CNTNAP2: variants seen among roughly 807,000 people sequenced by gnomAD.
The protein encoded by CNTNAP2 is contactin-associated protein-like 2.
Under a neutral mutation model 155.2 loss-of-function variants are expected in CNTNAP2, and 98 were observed. The observed-to-expected ratio is 0.63, with a 90% confidence interval of 0.54 to 0.75. The LOEUF (loss-of-function observed/expected upper bound fraction) is 0.75, where lower values mean the gene tolerates loss of function less well. Ranked by LOEUF, CNTNAP2 falls within the 30% of genes least tolerant of loss-of-function variation. The pLI is 0.00. For synonymous variants in CNTNAP2, 651 were observed against 631.2 expected (o/e 1.03, Z -0.47); for missense variants, 1,727 against 1,688.1 (o/e 1.02, Z -0.40).
intron 8 of CNTNAP2, among the ~76,000 whole-genome samples, chr7:147,212,972 T>G (rs2116575659): frequency 6.6e-6 from 1 of 152,230 alleles, no homozygotes; most frequent in South Asian, 2.1e-4. Flanking sequence ...TTAAATTTTG[T>G]TATCCAGTAT....
chr7:148,047,889 G>A (rs1802801878), intron 15 of CNTNAP2, among the ~76,000 whole-genome samples: 1 of 152,008 alleles, frequency 6.6e-6, no homozygotes, highest in Admixed American at 6.5e-5. Context: ...ATGGCAACTG[G>A]CATTTAGTGA....
At chr7:148,214,432 G>A (rs1014615834) in intron 18 of CNTNAP2, among the ~76,000 whole-genome samples, 2 of 152,142 alleles carry the variant, frequency 1.3e-5, no homozygotes, top group African/African-American at 2.4e-5. Context: ...ATCTTCTCAT[G>A]GGAAGTGATT....
At chr7:146,686,875 G>A (rs1361562024) in intron 1 of CNTNAP2, among the ~76,000 whole-genome samples, 2 of 152,142 alleles carry the variant, frequency 1.3e-5, no homozygotes, top group Non-Finnish European at 2.9e-5. Context: ...GTAACATAGG[G>A]ATGCATGCTG....
chr7:146,183,086 C>T (rs1201056010), intron 1 of CNTNAP2, among the ~76,000 whole-genome samples: 1 of 152,126 alleles, frequency 6.6e-6, no homozygotes, highest in Non-Finnish European at 1.5e-5. Context: ...TATTTTTGGA[C>T]ATTCCATGTT....
chr7:148,130,815 C>A (rs1262063429), intron 16 of CNTNAP2, among the ~76,000 whole-genome samples: 1 of 152,108 alleles, frequency 6.6e-6, no homozygotes, highest in Non-Finnish European at 1.5e-5. Context: ...TTTTTTTTAT[C>A]ATTTTGCATC....
At position 147,802,004 on chromosome 7, in the gene CNTNAP2, T is replaced by C. The variant is rs556319195; in HGVS notation, c.2099-101561T>C. Among the ~76,000 whole-genome samples, 225 of 142,084 alleles carry C rather than the reference T, an allele frequency of 1.6e-3. 1 individual carries two copies. Among genetic ancestry groups the C allele is most frequent in the African/African-American group, 5.9e-3 (222 of 37,374 alleles). 93.2% of individuals were successfully genotyped at this position (142,084 alleles called of 152,430 possible). A position where few individuals can be genotyped will look rare whatever the true frequency, so the allele number is the denominator to read the frequency against. The stretch of plus-strand genomic sequence containing the variant: ...CGGGGTGGCTGCCGGGCGGAGACGC[T>C]CCTCACTTCCCGGACAGGGTGGCTG... On this transcript the variant is annotated intron_variant, in intron 13 of 23. Coordinates refer to ENST00000361727, the MANE Select transcript of CNTNAP2 (RefSeq NM_014141.6).
chr7:148,406,261 C>T (rs1246096184), intron 22 of CNTNAP2, among the ~76,000 whole-genome samples: 1 of 97,548 alleles, frequency 1.0e-5, no homozygotes, highest in African/African-American at 3.4e-5. Context: ...AAGGTCATGA[C>T]GGGGCAGGGG....
intron 3 of CNTNAP2, among the ~76,000 whole-genome samples, chr7:146,986,246 T>C (rs1371292317): frequency 6.6e-6 from 1 of 152,218 alleles, no homozygotes; most frequent in Non-Finnish European, 1.5e-5. Context: ...AGAGAGAACA[T>C]ATGATGTTTG....
intron 3 of CNTNAP2, among the ~76,000 whole-genome samples, chr7:146,866,457 C>G (rs1380319656): frequency 2.0e-5 from 3 of 152,046 alleles, no homozygotes; most frequent in Non-Finnish European, 4.4e-5. Context: ...ACCACTGACA[C>G]TAAATATGAT....
Position 147,727,801 on chromosome 7 carries a change from A to G in CNTNAP2, c.2098+88495A>G, listed in dbSNP as rs767171924. Among the ~76,000 whole-genome samples the G allele has an allele frequency of 9.3e-5, 14 of 150,688 alleles. 1 individual carries two copies. The highest frequency in any genetic ancestry group is 1.8e-4 in the Non-Finnish European group (12 of 67,728). ...CACTGGAGTTTTCTTCCCCTACCAA[A>G]TAAATCAACATTATTTCTGAGATTG... is the stretch of plus-strand genomic sequence containing the variant. On this transcript the variant is annotated intron_variant, in intron 13 of 23. Transcript: ENST00000361727.
At position 148,147,680 on chromosome 7, in the gene CNTNAP2, G is replaced by C; in HGVS notation, c.2744G>C (p.Arg915Pro). 6.2e-7 allele frequency: 1 copy of C among 1,613,674 alleles called. No homozygotes were observed. The highest frequency in any genetic ancestry group is 8.5e-7 in the Non-Finnish European group (1 of 1,179,994). ...IRKAPTEGHT[R>P]LELYSQLFVG... ...AAGGCCCCAACAGAAGGCCACACCCGCCTGGAGCTCTACAGCCAGTTATTT... is the reference window on the plus strand; with the variant it reads ...AAGGCCCCAACAGAAGGCCACACCCCCCTGGAGCTCTACAGCCAGTTATTT... Residue 915 changes from arginine to proline, a missense_variant, in exon 17 of 24, where the codon CGC becomes CCC. Transcript: ENST00000361727.
intron 14 of CNTNAP2, among the ~76,000 whole-genome samples, chr7:147,929,647 A>G (rs762965375): frequency 5.4e-4 from 82 of 152,304 alleles, no homozygotes; most frequent in Admixed American, 1.4e-3. Context: ...AATTTTATAA[A>G]TATCCAAAAT....
intron 13 of CNTNAP2, among the ~76,000 whole-genome samples, chr7:147,787,670 TTTAAC>T (rs1256931663): frequency 6.6e-6 from 1 of 152,210 alleles, no homozygotes; most frequent in Non-Finnish European, 1.5e-5. Flanking sequence ...ATAGCAGACT[TTTAAC>T]AAGCAAAGAA....
chr7:147,322,038 A>G (rs1795361124), intron 9 of CNTNAP2, among the ~76,000 whole-genome samples: 1 of 152,128 alleles, frequency 6.6e-6, no homozygotes, highest in Non-Finnish European at 1.5e-5. Context: ...GGCTTTTTCC[A>G]TATTTCTGCT....
chr7:146,451,821 T>C (rs1051070106), intron 1 of CNTNAP2, among the ~76,000 whole-genome samples: 9 of 70,530 alleles, frequency 1.3e-4, no homozygotes, highest in African/African-American at 4.6e-4. Flanking sequence ...TATATATATA[T>C]ACGTATATAT....
chr7:146,873,157 T>C (rs1282237098), intron 3 of CNTNAP2, among the ~76,000 whole-genome samples: 1 of 152,192 alleles, frequency 6.6e-6, no homozygotes, highest in African/African-American at 2.4e-5. Context: ...TGCATTCTTA[T>C]ATGCCTGTCT....
At chr7:147,916,252 G>A (rs1341705907) in intron 14 of CNTNAP2, among the ~76,000 whole-genome samples, 1 of 152,120 alleles carries the variant, frequency 6.6e-6, no homozygotes, top group East Asian at 1.9e-4. Flanking sequence ...TAAAAATGAT[G>A]TATTATATAC....
At chr7:146,294,182 G>T (rs974769854) in intron 1 of CNTNAP2, among the ~76,000 whole-genome samples, 1 of 152,166 alleles carries the variant, frequency 6.6e-6, no homozygotes, top group African/African-American at 2.4e-5. Context: ...TAATGGTTTT[G>T]TAAATTTAGT....
chr7:146,205,668 T>C (rs1243342646), intron 1 of CNTNAP2, among the ~76,000 whole-genome samples: 1 of 151,934 alleles, frequency 6.6e-6, no homozygotes, highest in East Asian at 1.9e-4. Context: ...CTTTTCTCCC[T>C]ATGGAGTAAA....
Sources: allele counts gnomAD v4.1 joint callset (sites outside exome capture counted in the v4.1 genomes callset), GRCh38; gene constraint gnomAD v4.1.1; transcripts MANE v1.5; gene names NCBI Gene and HGNC (gene_info 2026-07-23, HGNC 2026-07-21).